The following CLEC4G variants were observed in gnomAD, a reference collection of about 807,000 sequenced individuals.
The protein encoded by CLEC4G is C-type lectin superfamily 4, member G.
CLEC4G carries 34 observed loss-of-function variants against 37.0 expected under a neutral mutation model. The ratio of observed to expected loss-of-function variants is 0.92; its 90% CI spans 0.70 to 1.22. CLEC4G has a LOEUF of 1.22. CLEC4G is among the 50% of genes most tolerant of loss of function. CLEC4G has a pLI of 0.00. For synonymous variants in CLEC4G, 167 were observed against 165.6 expected (o/e 1.01, Z -0.06); for missense variants, 390 against 392.9 (o/e 0.99, Z 0.06).
In CLEC4G at chr19:7,731,271, G is replaced by C. The variant is rs1322872008; in HGVS notation, c.215C>G (p.Thr72Arg). The change falls in exon 3 of 9, where the codon ACA (threonine) becomes AGA (arginine). Residue 72 changes from threonine (T) to arginine (R), a missense_variant. Coordinates refer to ENST00000328853, the MANE Select transcript of CLEC4G (RefSeq NM_198492.4). ...GCGCCCGGCTCTGCACACACCGTTT[G>C]TCCTCAGCAGGTCGTGGCCGTCAAG... ...ALLDGHDLLR[T>R]NASKQTAALG... 6.9e-6 allele frequency: 11 copies of C among 1,592,388 alleles called. No individual in the cohort carries two copies. Among genetic ancestry groups the C allele is most frequent in the Non-Finnish European group, 9.4e-6 (11 of 1,173,288 alleles).
chr19:7,729,106 A>T lies in CLEC4G; in HGVS notation c.*260T>A. The T allele has an allele frequency of 9.8e-6, 6 of 611,938 alleles. No individual in the cohort carries two copies. Among genetic ancestry groups the T allele is most frequent in the Admixed American group, 2.1e-5 (1 of 46,692 alleles). The allele number at this position is 611,938 out of a possible 1,614,324, so 37.9% of individuals were successfully genotyped here. ...AGAGAAGTGGAGGCATATCACGGGG[A>T]CGCAGGAGCAGGGATTTTGGAGCTA... On this transcript the variant is annotated 3_prime_UTR_variant, in exon 9 of 9. Transcript: ENST00000328853.
In CLEC4G at chr19:7,729,452, T is replaced by C. The variant is rs777512807; in HGVS notation, c.796A>G (p.Met266Val). 5.6e-6 allele frequency: 9 copies of C among 1,603,954 alleles called. No individual in the cohort carries two copies. In the East Asian group the frequency reaches 8.9e-5, roughly 16 times the overall value. ...TTCCACAGCCCCGTGTGCAGCATCA[T>C]GACACAGTTCTCGCGCCCCCAAGCG... Reference protein sequence around the residue: ...NDAWGRENCVMMLHTGLWNDA... With the variant: ...NDAWGRENCVVMLHTGLWNDA... Residue 266 changes from methionine (M) to valine (V), a missense_variant, in exon 9 of 9, where the codon ATG (methionine) becomes GTG (valine). Coordinates refer to ENST00000328853, the MANE Select transcript of CLEC4G (RefSeq NM_198492.4).
At position 7,730,935 on chromosome 19, in the gene CLEC4G, C is replaced by T; in HGVS notation, c.284-76G>A. 6.9e-7 allele frequency: 1 copy of T among 1,457,256 alleles called. No homozygotes were observed. Among genetic ancestry groups the T allele is most frequent in the Non-Finnish European group, 9.1e-7 (1 of 1,104,498 alleles). The allele number at this position is 1,457,256 out of a possible 1,614,324, so 90.3% of individuals were successfully genotyped here. ...TTCGGAGACCAGCCCCCGCCCCGCA[C>T]CACCCGCCGCAGGCCTCCGCCCCGG... On this transcript the variant is annotated intron_variant, in intron 4 of 8. Transcript: ENST00000328853. This position sits in a 1 kb window ranked among gnomAD's most constrained non-coding sequence, Gnocchi z 7.3.
chr19:7,729,923 C>A lies in CLEC4G; in HGVS notation c.641G>T (p.Arg214Leu), dbSNP rs1328545031. The A allele has an allele frequency of 1.2e-6, 2 of 1,614,104 alleles. No homozygotes were observed. Among genetic ancestry groups the A allele is most frequent in the East Asian group, 2.2e-5 (1 of 44,864 alleles). The change falls in exon 8 of 9, where the codon CGG (arginine) becomes CTG (leucine). Residue 214 changes from arginine to leucine, a missense_variant. By Grantham distance (102) the Arg-to-Leu change is moderately radical. Transcript: ENST00000328853. ...GGLDEQGFLT[R>L]NTRGRGYWLG... ...CCAGTAACCACGGCCACGCGTGTTC[C>A]GAGTGAGGAAGCCCTAGAAAGGAGG...
At chr19:7,731,413 C>A in intron 2 of CLEC4G, 94 bp from the exon 3 acceptor site, 2 of 1,509,572 alleles carry the variant, frequency 1.3e-6, no homozygotes, top group Non-Finnish European at 1.8e-6. Flanking sequence ...GAGCACGGAG[C>A]GGGCGGGCAG....
At chr19:7,729,645 C>T in intron 8 of CLEC4G, 141 bp from the exon 9 acceptor site, 1 of 1,225,910 alleles carries the variant, frequency 8.2e-7, no homozygotes, top group Non-Finnish European at 1.1e-6. Context: ...GAGTATACAC[C>T]TGGTATATAA....
rs1199498084 is a variant in CLEC4G, at chr19:7,730,717, G to T, written c.388+38C>A. The T allele has an allele frequency of 1.3e-6, 2 of 1,514,632 alleles. No individual in the cohort carries two copies. Among genetic ancestry groups the T allele is most frequent in the Non-Finnish European group, 8.8e-7 (1 of 1,136,020 alleles). The allele number at this position is 1,514,632 out of a possible 1,614,324, so 93.8% of individuals were successfully genotyped here. Reference sequence around the variant, plus strand: ...GGACGGGGTCGGGGTCGGGGGACGCGGCCAGGGCTCAGGGCCGGGGTCGCG... The same window carrying T: ...GGACGGGGTCGGGGTCGGGGGACGCTGCCAGGGCTCAGGGCCGGGGTCGCG... On this transcript the variant is annotated intron_variant, in intron 5 of 8. Coordinates refer to ENST00000328853, the MANE Select transcript of CLEC4G (RefSeq NM_198492.4). This position sits in a 1 kb window ranked among gnomAD's most constrained non-coding sequence, Gnocchi z 7.3.
chr19:7,730,594 G>A lies in CLEC4G; in HGVS notation c.389-154C>T, dbSNP rs73493928. Among the ~76,000 whole-genome samples, 1,527 of 152,292 alleles carry A rather than the reference G, an allele frequency of 0.01. 19 individuals are homozygous for A. The highest frequency in any genetic ancestry group is 0.033 in the African/African-American group (1,364 of 41,550). On this transcript the variant is annotated intron_variant, in intron 5 of 8. Transcript: ENST00000328853. This position sits in a 1 kb window ranked among gnomAD's most constrained non-coding sequence, Gnocchi z 7.3. ...GTCAAGGGCGGTTACAACTGGGCAG[G>A]GTCCGGGTGTGGCCGGCGCTAGGAG...
Position 7,730,555 on chromosome 19 carries a change from CAGGA to C in CLEC4G, c.389-119_389-116del. ...TCATTGTACCCTCGGTGCCAGCGTC[CAGGA>C]TGGCACAGGGTCAAGGGCGGTTACA... On this transcript the variant is annotated intron_variant, in intron 5 of 8. Coordinates refer to ENST00000328853, the MANE Select transcript of CLEC4G (RefSeq NM_198492.4). The surrounding 1 kb of genome is among the most constrained non-coding windows in gnomAD (Gnocchi z 7.3). The C allele has an allele frequency of 2.0e-6, 3 of 1,479,146 alleles. No homozygotes were observed. Among genetic ancestry groups the C allele is most frequent in the Non-Finnish European group, 2.7e-6 (3 of 1,118,016 alleles). 91.6% of individuals were successfully genotyped at this position (1,479,146 alleles called of 1,614,324 possible).
chr19:7,730,064 T>G lies in CLEC4G; in HGVS notation c.582A>C (p.Ala194=), dbSNP rs752542530. The G allele has an allele frequency of 1.1e-5, 18 of 1,605,684 alleles. No individual in the cohort carries two copies. In the South Asian group the frequency reaches 2.0e-4, roughly 18 times the overall value. ...CGATCACCAGGTGCGCGCTGGCATC[T>G]GCGCAGTGATCCTGCGCCGCCGCCC... The part of the protein sequence containing the change: ...TTWAAAQDHC[A]DASAHLVIVG... The change falls in exon 7 of 9, where the codon GCA becomes GCC. Residue 194 remains alanine (A), a synonymous_variant. Coordinates refer to ENST00000328853, the MANE Select transcript of CLEC4G (RefSeq NM_198492.4). This position sits in a 1 kb window ranked among gnomAD's most constrained non-coding sequence, Gnocchi z 7.3.
Position 7,729,860 on chromosome 19 carries a change from T to C in CLEC4G, c.704A>G (p.Gln235Arg), listed in dbSNP as rs2033399612. 6.2e-7 allele frequency: 1 copy of C among 1,613,996 alleles called. No individual in the cohort carries two copies. The highest frequency in any genetic ancestry group is 8.5e-7 in the Non-Finnish European group (1 of 1,180,008). ...GACTCCGTCCACCCACTGGTAGCCC[T>C]GAACCTTGCCCAGATGGCGCACAGC... ...LRAVRHLGKV[Q>R]GYQWVDGVSL... Residue 235 changes from glutamine to arginine, a missense_variant, in exon 8 of 9, where the codon CAG (glutamine) becomes CGG (arginine). Gln to Arg is a conservative substitution (Grantham distance 43, BLOSUM62 1). Coordinates refer to ENST00000328853, the MANE Select transcript of CLEC4G (RefSeq NM_198492.4).
chr19:7,730,775 A>G lies in CLEC4G; in HGVS notation c.368T>C (p.Leu123Pro), dbSNP rs1465643594. 6.5e-7 allele frequency: 1 copy of G among 1,532,348 alleles called. No homozygotes were observed. Among genetic ancestry groups the G allele is most frequent in the Admixed American group, 2.0e-5 (1 of 50,870 alleles). The allele number at this position is 1,532,348 out of a possible 1,614,324, so 94.9% of individuals were successfully genotyped here. Residue 123 changes from leucine (L) to proline (P), a missense_variant, in exon 5 of 9, where the codon CTG becomes CCG. Physicochemically the swap from Leu to Pro is moderately conservative, Grantham distance 98. Coordinates refer to ENST00000328853, the MANE Select transcript of CLEC4G (RefSeq NM_198492.4). The surrounding 1 kb of genome is among the most constrained non-coding windows in gnomAD (Gnocchi z 7.3). Reference protein sequence around the residue: ...QAKLMEQESALRELRERVTQG... With the variant: ...QAKLMEQESAPRELRERVTQG... ...CTCACCGCGCTCACGCAGTTCCCGC[A>G]GGGCGCTCTCCTGCTCCATCAGCTT...
At position 7,731,281 on chromosome 19, in the gene CLEC4G, G is replaced by C. The variant is rs1318773794; in HGVS notation, c.205C>G (p.Leu69Val). The C allele has an allele frequency of 3.8e-6, 6 of 1,591,302 alleles. No homozygotes were observed. The highest frequency in any genetic ancestry group is 4.3e-6 in the Non-Finnish European group (5 of 1,173,022). The change falls in exon 3 of 9, where the codon CTG becomes GTG. Residue 69 changes from leucine to valine, a missense_variant. Coordinates refer to ENST00000328853, the MANE Select transcript of CLEC4G (RefSeq NM_198492.4). ...CTGCACACACCGTTTGTCCTCAGCA[G>C]GTCGTGGCCGTCAAGCAGCGCCGCG... ...ERAALLDGHD[L>V]LRTNASKQTA...
At chr19:7,731,394 C>T (rs1173739057) in intron 2 of CLEC4G, 75 bp from the exon 3 acceptor site, 21 of 1,523,380 alleles carry the variant, frequency 1.4e-5, no homozygotes, top group Non-Finnish European at 1.8e-5. Context: ...GCAGCGTCCC[C>T]CAACTCGGGA....
rs746262429 is a variant in CLEC4G at position 7,731,285 on chromosome 19, G to A, written c.201C>T (p.His67=). 8.2e-6 allele frequency: 13 copies of A among 1,590,686 alleles called. No individual in the cohort carries two copies. Among genetic ancestry groups the A allele is most frequent in the African/African-American group, 8.0e-5 (6 of 74,686 alleles). The change falls in exon 3 of 9, where the codon CAC becomes CAT. Residue 67 remains histidine (H), a synonymous_variant. Coordinates refer to ENST00000328853, the MANE Select transcript of CLEC4G (RefSeq NM_198492.4). ...ACACACCGTTTGTCCTCAGCAGGTCGTGGCCGTCAAGCAGCGCCGCGCGCT... is the reference window on the plus strand; with the variant it reads ...ACACACCGTTTGTCCTCAGCAGGTCATGGCCGTCAAGCAGCGCCGCGCGCT... ...STERAALLDG[H]DLLRTNASKQ...
At position 7,730,929 on chromosome 19, in the gene CLEC4G, C is replaced by A. The variant is rs953968073; in HGVS notation, c.284-70G>T. On this transcript the variant is annotated intron_variant, in intron 4 of 8. Coordinates refer to ENST00000328853, the MANE Select transcript of CLEC4G (RefSeq NM_198492.4). The surrounding 1 kb of genome is among the most constrained non-coding windows in gnomAD (Gnocchi z 7.3). ...CGGGACTTCGGAGACCAGCCCCCGC[C>A]CCGCACCACCCGCCGCAGGCCTCCG... 17 of 1,487,478 alleles carry A rather than the reference C, an allele frequency of 1.1e-5. No individual in the cohort carries two copies. The African/African-American group carries it at 1.4e-4, about 12-fold the overall frequency. 92.1% of individuals were successfully genotyped at this position (1,487,478 alleles called of 1,614,324 possible). A position where few individuals can be genotyped will look rare whatever the true frequency, so the allele number is the denominator to read the frequency against.
chr19:7,729,131 A>C lies in CLEC4G; in HGVS notation c.*235T>G. The C allele has an allele frequency of 6.3e-6, 4 of 635,620 alleles. No homozygotes were observed. The highest frequency in any genetic ancestry group is 3.1e-5 in the East Asian group (1 of 31,914). 39.4% of individuals were successfully genotyped at this position (635,620 alleles called of 1,614,324 possible). On this transcript the variant is annotated 3_prime_UTR_variant, in exon 9 of 9. Coordinates refer to ENST00000328853, the MANE Select transcript of CLEC4G (RefSeq NM_198492.4). Reference sequence around the variant, plus strand: ...ACGCAGGAGCAGGGATTTTGGAGCTAGTGGAGGTTAGGTTGGGTCTGCGTG... The same window carrying C: ...ACGCAGGAGCAGGGATTTTGGAGCTCGTGGAGGTTAGGTTGGGTCTGCGTG...
At chr19:7,731,132 T>G (rs62126622) in intron 3 of CLEC4G, 44 bp from the exon 4 acceptor site, 23,171 of 1,602,346 alleles carry the variant, frequency 0.014, 212 homozygotes, top group Non-Finnish European at 0.016. Flanking sequence ...TCGGGTCACT[T>G]GGGAGGACTC....
Position 7,729,461 on chromosome 19 carries a change from T to A in CLEC4G, c.787A>T (p.Asn263Tyr). ...GEPNDAWGRE[N>Y]CVMMLHTGLW... Reference sequence around the variant, plus strand: ...CCCGTGTGCAGCATCATGACACAGTTCTCGCGCCCCCAAGCGTCATTGGGC... The same window carrying A: ...CCCGTGTGCAGCATCATGACACAGTACTCGCGCCCCCAAGCGTCATTGGGC... Residue 263 changes from asparagine (N) to tyrosine (Y), a missense_variant, in exon 9 of 9, where the codon AAC becomes TAC. Transcript: ENST00000328853. 3 of 1,605,444 alleles carry A rather than the reference T, an allele frequency of 1.9e-6. No individual in the cohort carries two copies. The South Asian group carries it at 3.3e-5, about 18-fold the overall frequency.
Sources: gnomAD v4.1 joint callset for allele counts (sites outside exome capture counted in the v4.1 genomes callset) on GRCh38, gnomAD v4.1.1 for gene constraint, Gnocchi (gnomAD v3.1) non-coding constraint, MANE v1.5 for transcripts, NCBI Gene and HGNC (gene_info 2026-07-23, HGNC 2026-07-21) for gene names.